Variants in LPAR1 observed in about 807,000 individuals in gnomAD.
LPAR1 encodes the protein lysophosphatidic acid receptor 1.
A neutral mutation model predicts 23.8 loss-of-function variants in LPAR1; 5 were observed. That is an observed-to-expected ratio of 0.21 (90% CI 0.11 to 0.44). LPAR1 has a LOEUF of 0.44. Ranked by LOEUF, LPAR1 falls within the 20% of genes least tolerant of loss-of-function variation. The pLI, the probability that LPAR1 is intolerant of heterozygous loss-of-function variation, is 0.99. For synonymous variants in LPAR1, 160 were observed against 164.7 expected, an observed-to-expected ratio of 0.97 and a Z score of 0.22; for missense variants, 311 against 482.8, an observed-to-expected ratio of 0.64 and a Z score of 3.33.
At chr9:110,972,983 A>C (rs4978432) in intron 3 of LPAR1, among the ~76,000 whole-genome samples, 21,963 of 151,930 alleles carry the variant, frequency 0.14, 2,060 homozygotes, top group African/African-American at 0.25. Flanking sequence ...GAAACTGTGA[A>C]TAGTACCCAA....
intron 5 of LPAR1, among the ~76,000 whole-genome samples, chr9:110,884,086 C>T (rs1433065902): frequency 2.6e-5 from 4 of 151,840 alleles, no homozygotes; most frequent in African/African-American, 9.7e-5. Context: ...ATGTATGATT[C>T]CCATTCTTTT....
intron 4 of LPAR1, among the ~76,000 whole-genome samples, chr9:110,965,827 T>A (rs1455210468): frequency 6.6e-6 from 1 of 152,238 alleles, no homozygotes; most frequent in Non-Finnish European, 1.5e-5. Context: ...TGCACACGCA[T>A]GTTTATTGTA....
chr9:110,878,856 C>A (rs2079877180), intron 5 of LPAR1, among the ~76,000 whole-genome samples: 1 of 152,062 alleles, frequency 6.6e-6, no homozygotes, highest in Admixed American at 6.5e-5. Context: ...GGCTCTGAGA[C>A]AATACTATCC....
chr9:111,028,576 A>G (rs2097741383), intron 2 of LPAR1, among the ~76,000 whole-genome samples: 1 of 152,200 alleles, frequency 6.6e-6, no homozygotes, highest in Non-Finnish European at 1.5e-5. Context: ...GCATGCCAAT[A>G]AAATTATCTA....
chr9:110,924,747 A>G (rs1441236569), intron 5 of LPAR1, among the ~76,000 whole-genome samples: 1 of 152,222 alleles, frequency 6.6e-6, no homozygotes, highest in African/African-American at 2.4e-5. Flanking sequence ...CTAATACTTC[A>G]TTCCCTAAAC....
intron 5 of LPAR1, among the ~76,000 whole-genome samples, chr9:110,884,831 T>C (rs938690518): frequency 6.6e-6 from 1 of 152,266 alleles, no homozygotes; most frequent in Admixed American, 6.5e-5. Flanking sequence ...AGACTTCTTT[T>C]ACAATGAATG....
intron 2 of LPAR1, among the ~76,000 whole-genome samples, chr9:111,032,840 T>A (rs928164491): frequency 6.6e-6 from 1 of 152,178 alleles, no homozygotes; most frequent in Non-Finnish European, 1.5e-5. Context: ...ATAATGGCCA[T>A]AATGAACAAA....
chr9:110,972,215 G>C lies in LPAR1; in HGVS notation c.-98C>G, dbSNP rs375925268. The C allele has an allele frequency of 9.3e-7, 1 of 1,072,226 alleles. No homozygotes were observed. Among genetic ancestry groups the C allele is most frequent in the Non-Finnish European group, 1.4e-6 (1 of 693,632 alleles). 66.4% of individuals were successfully genotyped at this position (1,072,226 alleles called of 1,614,324 possible). On this transcript the variant is annotated 5_prime_UTR_variant, in exon 4 of 6. Coordinates refer to ENST00000683809, the MANE Select transcript of LPAR1 (RefSeq NM_001351411.2). ...GATCGAAGTCATGCTAGGAGAAGCT[G>C]TGTACCTGGAAAACAACAGGAAAAC...
intron 5 of LPAR1, among the ~76,000 whole-genome samples, chr9:110,922,004 C>A (rs963546467): frequency 2.6e-5 from 4 of 152,210 alleles, no homozygotes; most frequent in African/African-American, 7.2e-5. Flanking sequence ...ACAGAGACTG[C>A]TGCTGCTTGA....
chr9:110,986,015 C>T (rs1202941406), intron 2 of LPAR1, among the ~76,000 whole-genome samples: 1 of 152,004 alleles, frequency 6.6e-6, no homozygotes, highest in Non-Finnish European at 1.5e-5. Context: ...GAGGATTCCA[C>T]AAAGAAGACT....
intron 2 of LPAR1, among the ~76,000 whole-genome samples, chr9:110,988,359 A>C (rs968162656): frequency 2.0e-5 from 3 of 152,048 alleles, no homozygotes; most frequent in Non-Finnish European, 4.4e-5. Context: ...TTATTATATA[A>C]GTATCTGAAA....
chr9:110,886,519 A>G (rs2082465620), intron 5 of LPAR1, among the ~76,000 whole-genome samples: 1 of 152,068 alleles, frequency 6.6e-6, no homozygotes, highest in Non-Finnish European at 1.5e-5. Flanking sequence ...TAAACTTGTA[A>G]AACTATATAT....
At chr9:110,897,854 G>A (rs923846324) in intron 5 of LPAR1, among the ~76,000 whole-genome samples, 3 of 151,588 alleles carry the variant, frequency 2.0e-5, no homozygotes, top group Admixed American at 6.6e-5. Context: ...CTGTTGTCAA[G>A]GATCATTGTC....
At chr9:110,902,285 C>T (rs1030459942) in intron 5 of LPAR1, among the ~76,000 whole-genome samples, 5 of 152,098 alleles carry the variant, frequency 3.3e-5, no homozygotes, top group Non-Finnish European at 7.4e-5. Flanking sequence ...GGCTGTGTCC[C>T]CACCCAAATC....
chr9:110,943,654 G>A (rs1469863856), intron 4 of LPAR1, among the ~76,000 whole-genome samples: 2 of 152,078 alleles, frequency 1.3e-5, no homozygotes, highest in African/African-American at 4.8e-5. Context: ...GAGGTCAGAA[G>A]TTCGAGACCA....
intron 5 of LPAR1, among the ~76,000 whole-genome samples, chr9:110,903,976 C>G (rs2090323426): frequency 6.8e-6 from 1 of 148,146 alleles, no homozygotes; most frequent in Non-Finnish European, 1.5e-5. Flanking sequence ...CAGCAAATTT[C>G]TTACCTGAAA....
At chr9:110,999,928 G>T (rs1314931537) in intron 2 of LPAR1, among the ~76,000 whole-genome samples, 1 of 152,092 alleles carries the variant, frequency 6.6e-6, no homozygotes, top group Non-Finnish European at 1.5e-5. Context: ...GCCCAGGTTG[G>T]TCTCAAACTC....
At chr9:111,030,335 G>A (rs537944802) in intron 2 of LPAR1, among the ~76,000 whole-genome samples, 12 of 152,240 alleles carry the variant, frequency 7.9e-5, no homozygotes, top group Non-Finnish European at 1.2e-4. Context: ...CCCCACAATC[G>A]TAGTCCAAGA....
At chr9:110,996,145 A>C (rs2096997826) in intron 2 of LPAR1, among the ~76,000 whole-genome samples, 1 of 152,198 alleles carries the variant, frequency 6.6e-6, no homozygotes, top group Non-Finnish European at 1.5e-5. Context: ...CCAGAAAAAC[A>C]CAGTGGGATA....
Sources: allele counts gnomAD v4.1 joint callset (sites outside exome capture counted in the v4.1 genomes callset), GRCh38; gene constraint gnomAD v4.1.1; transcripts MANE v1.5; gene names NCBI Gene and HGNC (gene_info 2026-07-23, HGNC 2026-07-21).